PPP3CC: variants seen among roughly 807,000 people sequenced by gnomAD.
PPP3CC encodes protein phosphatase 3 catalytic subunit gamma, also known as serine/threonine-protein phosphatase 2B catalytic subunit gamma isoform.
Under a neutral mutation model 60.3 loss-of-function variants are expected in PPP3CC, and 35 were observed. That is an observed-to-expected ratio of 0.58 (90% CI 0.44 to 0.77). PPP3CC has a LOEUF of 0.77. PPP3CC is among the 30% of genes least tolerant of loss of function. PPP3CC has a pLI of 0.00. For missense variants in PPP3CC, 570 were observed against 628.9 expected, an observed-to-expected ratio of 0.91 and a Z score of 1.00; for synonymous variants, 206 against 224.3, an observed-to-expected ratio of 0.92 and a Z score of 0.73.
chr8:22,539,045 G>C (rs1382167401), intron 12 of PPP3CC, among the ~76,000 whole-genome samples: 1 of 152,110 alleles, frequency 6.6e-6, no homozygotes, highest in Non-Finnish European at 1.5e-5. Flanking sequence ...CTTGAGAGCA[G>C]TAAGATGTAG....
rs199934449 is a variant in PPP3CC at position 22,539,527 on chromosome 8, A to C, written c.1351+29A>C. ...TGGCCATATTACTCTGATAGATGTGATCCATGTGTCTGTGTACTGGTTTTT... is the reference window on the plus strand; with the variant it reads ...TGGCCATATTACTCTGATAGATGTGCTCCATGTGTCTGTGTACTGGTTTTT... On this transcript the variant is annotated intron_variant, in intron 13 of 13. Coordinates refer to ENST00000240139, the MANE Select transcript of PPP3CC (RefSeq NM_005605.5). 1.6e-4 allele frequency: 263 copies of C among 1,608,334 alleles called. 1 individual carries two copies. The African/African-American group carries it at 3.1e-3, about 19-fold the overall frequency.
chr8:22,453,681 A>G (rs1308371750), intron 1 of PPP3CC, among the ~76,000 whole-genome samples: 2 of 152,226 alleles, frequency 1.3e-5, no homozygotes, highest in Non-Finnish European at 1.5e-5. Flanking sequence ...ATATATCTAC[A>G]AACGTAGATG....
At chr8:22,500,573 T>G (rs1454322096) in intron 4 of PPP3CC, among the ~76,000 whole-genome samples, 1 of 152,200 alleles carries the variant, frequency 6.6e-6, no homozygotes, top group African/African-American at 2.4e-5. Flanking sequence ...TAGATTGCTA[T>G]TTATAGTGTT....
At position 22,498,126 on chromosome 8, in the gene PPP3CC, C is replaced by G. The variant is rs376303727; in HGVS notation, c.484+14C>G. 2 of 1,545,040 alleles carry G rather than the reference C, an allele frequency of 1.3e-6. No individual in the cohort carries two copies. The highest frequency in any genetic ancestry group is 1.1e-5 in the South Asian group (1 of 88,942). On this transcript the variant is annotated intron_variant, in intron 4 of 13. Coordinates refer to ENST00000240139, the MANE Select transcript of PPP3CC (RefSeq NM_005605.5). ...TCAAACAGGAATGTAAGTATAATCA[C>G]TCCTCTAGAACCTTTTTAGTTACCC... is the stretch of plus-strand genomic sequence containing the variant.
intron 4 of PPP3CC, among the ~76,000 whole-genome samples, chr8:22,502,923 GC>G (rs1328347298): frequency 6.6e-6 from 1 of 151,984 alleles, no homozygotes; most frequent in Non-Finnish European, 1.5e-5. Flanking sequence ...TTGACATGTT[GC>G]CCAGGCTAAT....
chr8:22,450,996 G>T (rs1361587769), intron 1 of PPP3CC, among the ~76,000 whole-genome samples: 1 of 142,066 alleles, frequency 7.0e-6, no homozygotes, highest in Non-Finnish European at 1.5e-5. Context: ...CACCACGCCC[G>T]GCTAATTTTT....
chr8:22,513,967 A>G (rs1398486278), intron 6 of PPP3CC, among the ~76,000 whole-genome samples: 2 of 152,164 alleles, frequency 1.3e-5, no homozygotes, highest in Non-Finnish European at 2.9e-5. Flanking sequence ...GAAGACAGGC[A>G]GGGCGTGGTG....
intron 12 of PPP3CC, among the ~76,000 whole-genome samples, chr8:22,535,635 A>C (rs374692321): frequency 1.8e-3 from 269 of 152,298 alleles, no homozygotes; most frequent in African/African-American, 6.2e-3. Flanking sequence ...GGCTGGGACT[A>C]CAGGCATGTG....
In PPP3CC at chr8:22,475,517, G is replaced by A. The variant is rs767875233; in HGVS notation, c.265G>A (p.Gly89Arg). ...TTTCCTAGTATGTGGTGATATTCAT[G>A]GACAATTCTTTGACCTAATGAAGTT... ...APITVCGDIH[G>R]QFFDLMKLFE... Residue 89 changes from glycine (G) to arginine (R), a missense_variant, in exon 3 of 14, where the codon GGA becomes AGA. Coordinates refer to ENST00000240139, the MANE Select transcript of PPP3CC (RefSeq NM_005605.5). The A allele has an allele frequency of 6.2e-7, 1 of 1,610,176 alleles. No homozygotes were observed. Among genetic ancestry groups the A allele is most frequent in the Non-Finnish European group, 8.5e-7 (1 of 1,177,728 alleles).
At position 22,454,548 on chromosome 8, in the gene PPP3CC, G is replaced by A. The variant is rs180790747; in HGVS notation, c.49+13090G>A. 5.3e-3 allele frequency among the ~76,000 whole-genome samples: 809 copies of A among 152,244 alleles called. 5 individuals are homozygous for A. Among genetic ancestry groups the A allele is most frequent in the Non-Finnish European group, 9.0e-3 (613 of 68,014 alleles). On this transcript the variant is annotated intron_variant, in intron 1 of 13. Transcript: ENST00000240139. ...ATAAGCCAGTAACATATTTGTTATC[G>A]TTATATGACTGGCAGTGCAGTAGGT...
intron 3 of PPP3CC, among the ~76,000 whole-genome samples, chr8:22,479,484 A>C (rs1289764558): frequency 6.6e-6 from 1 of 152,144 alleles, no homozygotes; most frequent in East Asian, 1.9e-4. Flanking sequence ...TGTAGTGTCA[A>C]AGTCAAATAA....
chr8:22,539,125 T>G (rs2117164925), intron 12 of PPP3CC, among the ~76,000 whole-genome samples: 1 of 152,308 alleles, frequency 6.6e-6, no homozygotes, highest in Non-Finnish European at 1.5e-5. Context: ...TTTTACAAAC[T>G]AAGGATTGTT....
Position 22,450,409 on chromosome 8 carries a change from C to T in PPP3CC, c.49+8951C>T, listed in dbSNP as rs569811033. Among the ~76,000 whole-genome samples the T allele has an allele frequency of 2.6e-5, 4 of 152,262 alleles. No individual in the cohort carries two copies. The South Asian group carries it at 8.3e-4, about 32-fold the overall frequency. On this transcript the variant is annotated intron_variant, in intron 1 of 13. Coordinates refer to ENST00000240139, the MANE Select transcript of PPP3CC (RefSeq NM_005605.5). ...GTATTTTTCATCCCTGTTAATTGCA[C>T]CACTCACCCATTTAGTCACTGATTC...
intron 1 of PPP3CC, among the ~76,000 whole-genome samples, chr8:22,447,280 T>G (rs1273578879): frequency 6.7e-6 from 1 of 149,916 alleles, no homozygotes. Context: ...CCCGGGTTCA[T>G]GCCATTCTCC....
chr8:22,527,635 AT>A (rs373674026), intron 9 of PPP3CC, 118 bp downstream of exon 9: 156,780 of 909,188 alleles, frequency 0.17, 44 homozygotes, highest in East Asian at 0.21. Context: ...CTCTACATAG[AT>A]TTTTTTTTTT....
intron 8 of PPP3CC, among the ~76,000 whole-genome samples, chr8:22,524,480 T>A (rs1339271748): frequency 6.6e-6 from 1 of 152,236 alleles, no homozygotes; most frequent in Admixed American, 6.5e-5. Context: ...GAGCCTTATC[T>A]GTCCTACAAT....
chr8:22,496,603 T>C (rs1267491055), intron 3 of PPP3CC, among the ~76,000 whole-genome samples: 1 of 149,396 alleles, frequency 6.7e-6, no homozygotes, highest in Non-Finnish European at 1.5e-5. Flanking sequence ...GTTCCAGTGA[T>C]TCTTTTGCCT....
intron 6 of PPP3CC, among the ~76,000 whole-genome samples, chr8:22,519,544 A>G (rs745802558): frequency 3.9e-5 from 6 of 152,132 alleles, no homozygotes; most frequent in Non-Finnish European, 8.8e-5. Flanking sequence ...GTTTGCATCA[A>G]ACATTTTATA....
intron 1 of PPP3CC, among the ~76,000 whole-genome samples, chr8:22,446,661 C>A (rs1290044809): frequency 1.3e-5 from 2 of 151,878 alleles, no homozygotes; most frequent in Non-Finnish European, 2.9e-5. Context: ...CAAAAATTAA[C>A]TAGGCATGGT....
Sources: gnomAD v4.1 joint callset for allele counts (sites outside exome capture counted in the v4.1 genomes callset) on GRCh38, gnomAD v4.1.1 for gene constraint, MANE v1.5 for transcripts, NCBI Gene and HGNC (gene_info 2026-07-23, HGNC 2026-07-21) for gene names.